The following CELF2 variants were observed in gnomAD, a reference collection of about 807,000 sequenced individuals.
CELF2 encodes CUGBP Elav-like family member 2.
A neutral mutation model predicts 62.6 loss-of-function variants in CELF2; 8 were observed. The observed-to-expected ratio is 0.13, with a 90% CI of 0.07 to 0.23. The LOEUF is 0.23. CELF2 is among the 10% of genes least tolerant of loss of function. CELF2 has a pLI of 1.00. For missense variants in CELF2, 333 were observed against 671.0 expected (o/e 0.50, Z 5.56); for synonymous variants, 258 against 250.0 (o/e 1.03, Z -0.30).
At chr10:10,866,043 A>G (rs1181236229) in intron 1 of CELF2, among the ~76,000 whole-genome samples, 1 of 152,112 alleles carries the variant, frequency 6.6e-6, no homozygotes, top group Non-Finnish European at 1.5e-5. Context: ...GCTTTCATGC[A>G]GTATTGGTAG....
At chr10:11,256,589 T>A (rs1291478732) in intron 4 of CELF2, among the ~76,000 whole-genome samples, 1 of 148,552 alleles carries the variant, frequency 6.7e-6, no homozygotes, top group Non-Finnish European at 1.5e-5. Flanking sequence ...TTTTTTTTTT[T>A]AATTCTAAGA....
intron 1 of CELF2, among the ~76,000 whole-genome samples, chr10:10,808,223 G>A (rs1328302273): frequency 1.3e-5 from 2 of 152,122 alleles, no homozygotes; most frequent in Non-Finnish European, 2.9e-5. Context: ...AGGCAAAACA[G>A]CATTGAGATA....
At chr10:11,083,114 T>TA (rs1219810532) in intron 1 of CELF2, among the ~76,000 whole-genome samples, 2 of 152,198 alleles carry the variant, frequency 1.3e-5, no homozygotes, top group African/African-American at 4.8e-5. Flanking sequence ...TTGTGATTGT[T>TA]ATCTTATCCT....
chr10:10,856,854 A>G (rs952333561), intron 1 of CELF2, among the ~76,000 whole-genome samples: 1 of 152,134 alleles, frequency 6.6e-6, no homozygotes, highest in Non-Finnish European at 1.5e-5. Context: ...CTGAACTTTC[A>G]TTTTCATGCT....
In CELF2 at chr10:11,125,408, G is replaced by A. The variant is rs1010598391; in HGVS notation, c.75-40078G>A. Among the ~76,000 whole-genome samples the A allele has an allele frequency of 2.7e-5, 4 of 150,142 alleles. No individual in the cohort carries two copies. The East Asian group carries it at 7.9e-4, about 30-fold the overall frequency. ...TGAAAGCCCTTGGGTATGCTCCATT[G>A]ATAAAGAGAGGCAGGTTTAGGGTAG... On this transcript the variant is annotated intron_variant, in intron 1 of 12. Transcript: ENST00000633077.
chr10:10,981,957 T>TG (rs1375826219), intron 2 of CELF2, among the ~76,000 whole-genome samples: 4 of 145,712 alleles, frequency 2.7e-5, no homozygotes, highest in Admixed American at 2.7e-4. Flanking sequence ...TTCCTTTTTT[T>TG]TTTTTTTTTT....
intron 1 of CELF2, among the ~76,000 whole-genome samples, chr10:11,077,311 C>G (rs1322256858): frequency 6.6e-6 from 1 of 152,176 alleles, no homozygotes. Flanking sequence ...ACCACCATTG[C>G]CAGTTGTTTC....
intron 1 of CELF2, among the ~76,000 whole-genome samples, chr10:10,859,467 C>T (rs542959094): frequency 6.6e-6 from 1 of 152,062 alleles, no homozygotes; most frequent in South Asian, 2.1e-4. Context: ...TGGGAAATAG[C>T]CACCACAGTA....
intron 8 of CELF2, among the ~76,000 whole-genome samples, chr10:11,286,818 T>C (rs889880121): frequency 6.6e-6 from 1 of 152,204 alleles, no homozygotes; most frequent in Non-Finnish European, 1.5e-5. Flanking sequence ...CTTTCAAGCA[T>C]CCCTGTGAAA....
the CELF2 span, among the ~76,000 whole-genome samples, chr10:10,487,032 G>A: frequency 1.3e-5 from 2 of 152,132 alleles, no homozygotes; most frequent in African/African-American, 4.8e-5. Flanking sequence ...TGTTTCACTT[G>A]CATAGAGAAT....
At chr10:10,859,430 G>A (rs114264088) in intron 1 of CELF2, among the ~76,000 whole-genome samples, 242 of 151,968 alleles carry the variant, frequency 1.6e-3, no homozygotes, top group African/African-American at 5.7e-3. Context: ...TTCTTGTATT[G>A]CTTATTTTCC....
chr10:11,166,208 G>A (rs897416205), intron 2 of CELF2, among the ~76,000 whole-genome samples: 1 of 152,330 alleles, frequency 6.6e-6, no homozygotes, highest in Admixed American at 6.5e-5. Context: ...CATTCCTGGG[G>A]GTCAGGTGGG....
the CELF2 span, among the ~76,000 whole-genome samples, chr10:10,605,114 C>T: frequency 6.6e-6 from 1 of 152,188 alleles, no homozygotes; most frequent in African/African-American, 2.4e-5. Context: ...AGATCATGTC[C>T]TTTGCAAGGA....
chr10:11,024,622 GTAATAA>G (rs58540409), intron 1 of CELF2, among the ~76,000 whole-genome samples: 10 of 151,550 alleles, frequency 6.6e-5, no homozygotes, highest in African/African-American at 1.7e-4. Context: ...AATAATAATA[GTAATAA>G]TAATAATAAT....
intron 2 of CELF2, among the ~76,000 whole-genome samples, chr10:11,208,187 G>A (rs2060893149): frequency 6.6e-6 from 1 of 152,076 alleles, no homozygotes; most frequent in South Asian, 2.1e-4. Flanking sequence ...AAAATGGGAG[G>A]GTGTGGGGAG....
the CELF2 span, among the ~76,000 whole-genome samples, chr10:10,750,721 ACTTTTGTCACAAATTCTAGCC>A: frequency 6.6e-6 from 1 of 152,250 alleles, no homozygotes; most frequent in Non-Finnish European, 1.5e-5. Context: ...TTTAATTAAA[ACTTTTGTCACAAATTCTAGCC>A]CTGGTGATAA....
chr10:11,314,634 A>G lies in CELF2; in HGVS notation c.1096+376A>G. On this transcript the variant is annotated intron_variant, in intron 10 of 12. Transcript: ENST00000633077. The surrounding 1 kb of genome is among the most constrained non-coding windows in gnomAD (Gnocchi z 5.3). ...ATGGACTGGAAGGCTGGAAGCCTGA[A>G]CCCAGCTCTGCTGCCAGGCAGCTGT... The G allele has an allele frequency of 1.5e-5, 5 of 334,718 alleles. 1 individual carries two copies. The highest frequency in any genetic ancestry group is 1.2e-4 in the South Asian group (5 of 41,350). 20.7% of individuals were successfully genotyped at this position (334,718 alleles called of 1,614,324 possible).
chr10:10,522,571 T>C, the CELF2 span, among the ~76,000 whole-genome samples: 1 of 152,098 alleles, frequency 6.6e-6, no homozygotes, highest in African/African-American at 2.4e-5. Flanking sequence ...GTTGTTGTTG[T>C]TATTATTTAT....
chr10:10,848,871 G>A (rs2059187080), intron 1 of CELF2, among the ~76,000 whole-genome samples: 1 of 152,192 alleles, frequency 6.6e-6, no homozygotes, highest in South Asian at 2.1e-4. Context: ...TAGGATTTGA[G>A]TCCCATGTCG....
Sources: gnomAD v4.1 joint callset for allele counts (sites outside exome capture counted in the v4.1 genomes callset) on GRCh38, gnomAD v4.1.1 for gene constraint, Gnocchi (gnomAD v3.1) non-coding constraint, MANE v1.5 for transcripts, NCBI Gene and HGNC (gene_info 2026-07-23, HGNC 2026-07-21) for gene names.